HSF4: variants seen among roughly 807,000 people sequenced by gnomAD.
HSF4 encodes heat shock factor protein 4.
Under a neutral mutation model 52.0 loss-of-function variants are expected in HSF4, and 41 were observed. The ratio of observed to expected loss-of-function variants is 0.79; its 90% CI spans 0.61 to 1.02. The LOEUF is 1.02. Ranked by LOEUF, HSF4 falls within the 50% of genes least tolerant of loss-of-function variation. The probability of loss-of-function intolerance (pLI) is 0.00; values close to 1 mark genes in which losing one functional copy is unlikely to be tolerated. For missense variants in HSF4, 610 were observed against 651.1 expected, an observed-to-expected ratio of 0.94 and a Z score of 0.69; for synonymous variants, 285 against 273.0, an observed-to-expected ratio of 1.04 and a Z score of -0.43.
At position 67,165,682 on chromosome 16, in the gene HSF4, G is replaced by A. The variant is rs370554458; in HGVS notation, c.233-37G>A. 5 of 1,612,076 alleles carry A rather than the reference G, an allele frequency of 3.1e-6. No individual in the cohort carries two copies. Among genetic ancestry groups the A allele is most frequent in the Non-Finnish European group, 4.2e-6 (5 of 1,179,826 alleles). ...CGGGGATGGGGGACTCGGTGCCGGG[G>A]ATGGGGCGACCCACGCCCCCACGCC... On this transcript the variant is annotated intron_variant, in intron 2 of 12. Transcript: ENST00000521374. This position sits in a 1 kb window ranked among gnomAD's most constrained non-coding sequence, Gnocchi z 6.9.
chr16:67,169,932 G>GTT (rs3215366), exon 13 of HSF4: 1,502 of 622,442 alleles, frequency 2.4e-3, 1 homozygote, highest in Middle Eastern at 3.2e-3. This position sits in a 1 kb window ranked among gnomAD's most constrained non-coding sequence, Gnocchi z 4.3. Context: ...CATAAACTCC[G>GTT]TTTTTTTTTT....
intron 6 of HSF4, 30 bp downstream of exon 6, chr16:67,166,652 C>T: frequency 1.9e-6 from 3 of 1,605,332 alleles, no homozygotes; most frequent in Non-Finnish European, 1.7e-6. Flanking sequence ...AGGCCCACAC[C>T]CACTTCCAAG....
At chr16:67,164,679 G>A, upstream of HSF4, 1 of 1,118,106 alleles carries the variant, frequency 8.9e-7, no homozygotes, top group Admixed American at 2.8e-5. Context: ...CCGCGGGCTT[G>A]CACGTGGCCC....
rs772494680 is a variant in HSF4, at chr16:67,165,666, G to A, written c.232+36G>A. 6.2e-7 allele frequency: 1 copy of A among 1,612,434 alleles called. No homozygotes were observed. On this transcript the variant is annotated intron_variant, in intron 2 of 12. Coordinates refer to ENST00000521374, the MANE Select transcript of HSF4 (RefSeq NM_001374675.1). The surrounding 1 kb of genome is among the most constrained non-coding windows in gnomAD (Gnocchi z 6.9). ...ACGGCCGGGCGGGGAGCGGGGATGG[G>A]GGACTCGGTGCCGGGGATGGGGCGA... is the stretch of plus-strand genomic sequence containing the variant.
In HSF4 at chr16:67,166,335, G is replaced by C; in HGVS notation, c.501G>C (p.Leu167Phe). The C allele has an allele frequency of 1.7e-5, 27 of 1,607,170 alleles. No homozygotes were observed. Among genetic ancestry groups the C allele is most frequent in the Non-Finnish European group, 2.3e-5 (27 of 1,176,804 alleles). The change falls in exon 5 of 13, where the codon TTG becomes TTC. Residue 167 changes from leucine to phenylalanine, a missense_variant. By Grantham distance (22) the Leu-to-Phe change is conservative. Coordinates refer to ENST00000521374, the MANE Select transcript of HSF4 (RefSeq NM_001374675.1). The stretch of plus-strand genomic sequence containing the variant: ...CCTTCCTCAGGCAGAACGAGATCTT[G>C]TGGCGGGAGGTGGTGACACTTCGGC... Reference protein sequence around the residue: ...LRELRQQNEILWREVVTLRQS... With the variant: ...LRELRQQNEIFWREVVTLRQS...
rs1045103221 is a variant in HSF4 at position 67,167,019 on chromosome 16, G to A, written c.627-101G>A. On this transcript the variant is annotated intron_variant, in intron 6 of 12. Coordinates refer to ENST00000521374, the MANE Select transcript of HSF4 (RefSeq NM_001374675.1). ...CCTAGCAACAGGCCTCAGCTCTGCT[G>A]ACTTGGCTGCTGGGGCCTGAGGGAG... 2.6e-5 allele frequency: 40 copies of A among 1,543,872 alleles called. No individual in the cohort carries two copies. In the African/African-American group the frequency reaches 4.1e-4, roughly 16 times the overall value.
In HSF4 at chr16:67,165,896, T is replaced by C; in HGVS notation, c.360+50T>C. 1.3e-6 allele frequency: 2 copies of C among 1,594,526 alleles called. No individual in the cohort carries two copies. Among genetic ancestry groups the C allele is most frequent in the Non-Finnish European group, 8.5e-7 (1 of 1,177,730 alleles). On this transcript the variant is annotated intron_variant, in intron 3 of 12. Transcript: ENST00000521374. This position sits in a 1 kb window ranked among gnomAD's most constrained non-coding sequence, Gnocchi z 6.9. ...CAAAGAGGAGGAGGGGTGCTGGGACTGCCTGCCTTGCTCCTGCGACCCAGT... is the reference window on the plus strand; with the variant it reads ...CAAAGAGGAGGAGGGGTGCTGGGACCGCCTGCCTTGCTCCTGCGACCCAGT...
chr16:67,169,895 C>G lies in HSF4; in HGVS notation c.*110C>G, dbSNP rs922789231. On this transcript the variant is annotated 3_prime_UTR_variant, in exon 13 of 13. Transcript: ENST00000521374. This position sits in a 1 kb window ranked among gnomAD's most constrained non-coding sequence, Gnocchi z 4.3. ...CGAAGCCCCCACTACTAAATGGCCTCTCTCCACTACCCCGACTATCCCTGC... is the reference window on the plus strand; with the variant it reads ...CGAAGCCCCCACTACTAAATGGCCTGTCTCCACTACCCCGACTATCCCTGC... 7.1e-5 allele frequency: 78 copies of G among 1,098,232 alleles called. No individual in the cohort carries two copies. The African/African-American group carries it at 9.9e-4, about 14-fold the overall frequency. The allele number at this position is 1,098,232 out of a possible 1,614,324, so 68.0% of individuals were successfully genotyped here.
chr16:67,164,292 C>A, upstream of HSF4: 1 of 392,112 alleles, frequency 2.6e-6, no homozygotes, highest in Non-Finnish European at 5.0e-6. Flanking sequence ...CTGGACGACA[C>A]AGCTGCGGGG....
Position 67,169,023 on chromosome 16 carries a change from G to A in HSF4, c.1189-13G>A. 6.2e-7 allele frequency: 1 copy of A among 1,614,002 alleles called. No individual in the cohort carries two copies. Among genetic ancestry groups the A allele is most frequent in the African/African-American group, 1.3e-5 (1 of 75,056 alleles). ...GCCTGGGGAGGGCACCACTGACCCA[G>A]AGCTCTCCTCAGGTGCTGGGCCCCA... On this transcript the variant is annotated splice_polypyrimidine_tract_variant and intron_variant, in intron 10 of 12. Transcript: ENST00000521374. This position sits in a 1 kb window ranked among gnomAD's most constrained non-coding sequence, Gnocchi z 4.3.
chr16:67,165,672 C>T lies in HSF4; in HGVS notation c.232+42C>T. On this transcript the variant is annotated intron_variant, in intron 2 of 12. Coordinates refer to ENST00000521374, the MANE Select transcript of HSF4 (RefSeq NM_001374675.1). This position sits in a 1 kb window ranked among gnomAD's most constrained non-coding sequence, Gnocchi z 6.9. The stretch of plus-strand genomic sequence containing the variant: ...GGGCGGGGAGCGGGGATGGGGGACT[C>T]GGTGCCGGGGATGGGGCGACCCACG... The T allele has an allele frequency of 6.2e-7, 1 of 1,612,168 alleles. No individual in the cohort carries two copies. The highest frequency in any genetic ancestry group is 8.5e-7 in the Non-Finnish European group (1 of 1,179,774).
chr16:67,169,560 G>A lies in HSF4; in HGVS notation c.1325-71G>A. 2 of 1,598,998 alleles carry A rather than the reference G, an allele frequency of 1.3e-6. No homozygotes were observed. The highest frequency in any genetic ancestry group is 1.1e-5 in the South Asian group (1 of 90,996). On this transcript the variant is annotated intron_variant, in intron 12 of 12. Coordinates refer to ENST00000521374, the MANE Select transcript of HSF4 (RefSeq NM_001374675.1). This position sits in a 1 kb window ranked among gnomAD's most constrained non-coding sequence, Gnocchi z 4.3. Reference sequence around the variant, plus strand: ...TCCTAACTGAGCAGAAGGCAGGCGGGCAGGGCTCTCCTTCCCTGAAGAAAG... The same window carrying A: ...TCCTAACTGAGCAGAAGGCAGGCGGACAGGGCTCTCCTTCCCTGAAGAAAG...
At chr16:67,168,561 A>G (rs1567670382) in intron 9 of HSF4, among the ~76,000 whole-genome samples, 1 of 152,188 alleles carries the variant, frequency 6.6e-6, no homozygotes, top group Non-Finnish European at 1.5e-5. Context: ...AAGAAGAGAA[A>G]GAAGCATGGA....
At chr16:67,167,056 C>A in intron 6 of HSF4, 64 bp from the exon 7 acceptor site, 1 of 1,611,430 alleles carries the variant, frequency 6.2e-7, no homozygotes, top group Non-Finnish European at 8.5e-7. Context: ...GAGGGAAGTG[C>A]AGGCCGAGGT....
In HSF4 at chr16:67,169,426, T is replaced by G; in HGVS notation, c.1324+78T>G. On this transcript the variant is annotated intron_variant, in intron 12 of 12. Transcript: ENST00000521374. This position sits in a 1 kb window ranked among gnomAD's most constrained non-coding sequence, Gnocchi z 4.3. ...ACCTTGATTGAGTGAGGGGGCAATC[T>G]GCAATTTGCAGGGAAATCCTGAGTT... is the stretch of plus-strand genomic sequence containing the variant. 1 of 1,574,190 alleles carries G rather than the reference T, an allele frequency of 6.4e-7. No homozygotes were observed.
In HSF4 at chr16:67,169,096, TC is replaced by T; in HGVS notation, c.1251del (p.Leu418Ter). On this transcript the variant is annotated frameshift_variant, in exon 11 of 13. Coordinates refer to ENST00000521374, the MANE Select transcript of HSF4 (RefSeq NM_001374675.1). LOFTEE classifies it high-confidence loss of function. The surrounding 1 kb of genome is among the most constrained non-coding windows in gnomAD (Gnocchi z 4.3). Reference protein sequence around the residue: ...WTLMDLDMELSLMQPLVPERG... With the variant: ...WTLMDLDMELXLMQPLVPERG... ...CCTGATGGACTTGGACATGGAGCTG[TC>T]CTTGGTAAGAAGTGGGTCGGGGAGG... 6.2e-7 allele frequency: 1 copy of T among 1,612,958 alleles called. No homozygotes were observed. The highest frequency in any genetic ancestry group is 8.5e-7 in the Non-Finnish European group (1 of 1,179,976).
chr16:67,166,726 C>A, intron 6 of HSF4, 104 bp downstream of exon 6: 1 of 1,075,292 alleles, frequency 9.3e-7, no homozygotes, highest in Non-Finnish European at 1.4e-6. Flanking sequence ...CGGGAATCCT[C>A]ATTCCTCCCC....
chr16:67,165,047 G>A lies in HSF4; in HGVS notation c.123+113G>A. 7 of 1,240,926 alleles carry A rather than the reference G, an allele frequency of 5.6e-6. No homozygotes were observed. Among genetic ancestry groups the A allele is most frequent in the Non-Finnish European group, 6.6e-6 (6 of 913,960 alleles). 76.9% of individuals were successfully genotyped at this position (1,240,926 alleles called of 1,614,324 possible). On this transcript the variant is annotated intron_variant, in intron 1 of 12. Transcript: ENST00000521374. This position sits in a 1 kb window ranked among gnomAD's most constrained non-coding sequence, Gnocchi z 6.9. ...GACTGGGCCGTGGATCCCCGGATTT[G>A]GCCATTCAGAGAAGTTCACCTTGGA...
chr16:67,166,510 G>C (rs138295025), intron 5 of HSF4, 48 bp from the exon 6 acceptor site: 23 of 1,604,066 alleles, frequency 1.4e-5, no homozygotes, highest in South Asian at 9.9e-5. Context: ...GTGCGGGGGT[G>C]GGGGGGCTGT....
Sources: gnomAD v4.1 joint callset for allele counts (sites outside exome capture counted in the v4.1 genomes callset) on GRCh38, gnomAD v4.1.1 for gene constraint, Gnocchi (gnomAD v3.1) non-coding constraint, MANE v1.5 for transcripts, NCBI Gene and HGNC (gene_info 2026-07-23, HGNC 2026-07-21) for gene names.